Variants in RAB37 observed in about 807,000 individuals in gnomAD.
RAB37 encodes the protein RAB37, member RAS oncogene family, also known as ras-related protein Rab-37.
RAB37 carries 29 observed loss-of-function variants against 33.1 expected under a neutral mutation model. The observed-to-expected ratio is 0.88, with a 90% CI of 0.65 to 1.20. RAB37 has a LOEUF of 1.20. Among genes scored for constraint, RAB37 ranks in the 50% most tolerant of loss-of-function variants. RAB37 has a pLI of 0.00. For missense variants in RAB37, 299 were observed against 301.1 expected (o/e 0.99, Z 0.05); for synonymous variants, 128 against 119.5 (o/e 1.07, Z -0.47).
chr17:74,722,158 C>T lies in RAB37; in HGVS notation c.73-7098C>T, dbSNP rs563173259. 3.9e-5 allele frequency among the ~76,000 whole-genome samples: 6 copies of T among 152,092 alleles called. No homozygotes were observed. In the East Asian group the frequency reaches 1.2e-3, roughly 29 times the overall value. On this transcript the variant is annotated intron_variant, in intron 1 of 7. Coordinates refer to the RAB37 transcript ENST00000340415. ...ATTAGCCGGGCGTGGTGGCGGGCGC[C>T]TGTAGTCCCAGATACTTGGGAGGCT...
At chr17:74,689,526 A>G (rs907754505) in intron 1 of RAB37, among the ~76,000 whole-genome samples, 17 of 152,214 alleles carry the variant, frequency 1.1e-4, no homozygotes, top group African/African-American at 3.9e-4. Flanking sequence ...AACTTTTTCA[A>G]TGAACTGACC....
At position 74,745,157 on chromosome 17, in the gene RAB37, C is replaced by G. The variant is rs2034727094; in HGVS notation, c.566+73C>G. 1.3e-6 allele frequency: 2 copies of G among 1,566,794 alleles called. No individual in the cohort carries two copies. Among genetic ancestry groups the G allele is most frequent in the Admixed American group, 1.7e-5 (1 of 59,128 alleles). On this transcript the variant is annotated intron_variant, in intron 8 of 8. Transcript: ENST00000392613. This position sits in a 1 kb window ranked among gnomAD's most constrained non-coding sequence, Gnocchi z 4.5. ...TCCAGGAATCCAGTAGGGCCCGGCC[C>G]CTGGCCCAGCCCCTGGACACACCTG... is the stretch of plus-strand genomic sequence containing the variant.
chr17:74,743,583 G>A (rs1001129003), intron 5 of RAB37, among the ~76,000 whole-genome samples: 9 of 152,156 alleles, frequency 5.9e-5, no homozygotes, highest in Admixed American at 2.0e-4. Flanking sequence ...TGTGATTCAC[G>A]AGTGTGTTTC....
In RAB37 at chr17:74,743,341, G is replaced by T; in HGVS notation, c.366+1G>T. On this transcript the variant is annotated splice_donor_variant, in intron 5 of 8. Transcript: ENST00000392613. LOFTEE classifies it high-confidence loss of function. ...CAAATCTTCTTTCGACAACATCAGG[G>T]TAGGTCCTCCCTTCCCCTGACTCCC... is the stretch of plus-strand genomic sequence containing the variant. 6.2e-7 allele frequency: 1 copy of T among 1,614,048 alleles called. No individual in the cohort carries two copies. Among genetic ancestry groups the T allele is most frequent in the Non-Finnish European group, 8.5e-7 (1 of 1,179,980 alleles).
chr17:74,708,144 T>A, intron 1 of RAB37, among the ~76,000 whole-genome samples: 2 of 101,878 alleles, frequency 2.0e-5, no homozygotes, highest in African/African-American at 3.6e-5. Flanking sequence ...CAAGACTCCA[T>A]CTCAAAAAAA....
chr17:74,739,242 C>A (rs374122397), intron 1 of RAB37, among the ~76,000 whole-genome samples: 8 of 152,232 alleles, frequency 5.3e-5, no homozygotes, highest in African/African-American at 1.9e-4. Flanking sequence ...TGGATCTAGA[C>A]CCCTGTTATC....
intron 1 of RAB37, among the ~76,000 whole-genome samples, chr17:74,707,076 C>T (rs919865099): frequency 6.6e-6 from 1 of 152,134 alleles, no homozygotes; most frequent in Non-Finnish European, 1.5e-5. Flanking sequence ...TTGGTCTTGG[C>T]GATGATGTCT....
intron 1 of RAB37, chr17:74,698,417 C>A: frequency 6.2e-7 from 1 of 1,614,072 alleles, no homozygotes; most frequent in Non-Finnish European, 8.5e-7. Flanking sequence ...GAGGCGGCCA[C>A]CAAAAGCAGC....
At chr17:74,718,489 T>C (rs2034198169) in intron 1 of RAB37, among the ~76,000 whole-genome samples, 1 of 152,136 alleles carries the variant, frequency 6.6e-6, no homozygotes. Context: ...CTTGACAAAG[T>C]GGAAGAGCTG....
At position 74,737,302 on chromosome 17, in the gene RAB37, C is replaced by G. The variant is rs770784411; in HGVS notation, c.30C>G (p.Thr10=). The G allele has an allele frequency of 1.3e-5, 21 of 1,576,408 alleles. No homozygotes were observed. The highest frequency in any genetic ancestry group is 5.1e-6 in the Non-Finnish European group (6 of 1,168,478). Residue 10 remains threonine (T), a synonymous_variant, in exon 1 of 9, where the codon ACC becomes ACG. Coordinates refer to ENST00000392613, the MANE Select transcript of RAB37 (RefSeq NM_001006638.3). ...CGGGCACGCCAGGCGCCGTTGCCAC[C>G]CGGGATGGCGAGGCCCCCGAGCGCT... MTGTPGAVA[T]RDGEAPERSP...
intron 2 of RAB37, among the ~76,000 whole-genome samples, chr17:74,741,587 G>GA (rs535783718): frequency 0.85 from 107,999 of 127,094 alleles, 47,097 homozygotes; most frequent in East Asian, 0.98. Context: ...CTGCGTCTCA[G>GA]AAAAAAAAAA....
chr17:74,705,331 T>C (rs1342591504), intron 1 of RAB37: 7 of 679,414 alleles, frequency 1.0e-5, no homozygotes, highest in Non-Finnish European at 1.6e-5. Context: ...CCTGGATGAA[T>C]GCCTTTGAAG....
intron 1 of RAB37, among the ~76,000 whole-genome samples, chr17:74,723,575 C>CTTT (rs35936012): frequency 9.8e-5 from 13 of 133,190 alleles, no homozygotes; most frequent in South Asian, 2.4e-4. Flanking sequence ...AATTAACTAA[C>CTTT]TTTTTTTTTT....
intron 1 of RAB37, chr17:74,704,542 G>T (rs553694245): frequency 6.2e-7 from 1 of 1,614,164 alleles, no homozygotes; most frequent in South Asian, 1.1e-5. Flanking sequence ...TTCCACACCA[G>T]TAAGTGTCAG....
chr17:74,684,375 G>C lies in RAB37; in HGVS notation c.72+12717G>C, dbSNP rs1255611199. On this transcript the variant is annotated intron_variant, in intron 1 of 7. Coordinates refer to the RAB37 transcript ENST00000340415. Reference sequence around the variant, plus strand: ...CCCAAAGTGCTGGGATTATAGGCGTGAGCCACCACACCCAGCCAAGAGAGC... The same window carrying C: ...CCCAAAGTGCTGGGATTATAGGCGTCAGCCACCACACCCAGCCAAGAGAGC... Among the ~76,000 whole-genome samples the C allele has an allele frequency of 2.0e-5, 3 of 151,236 alleles. 1 individual carries two copies. Among genetic ancestry groups the C allele is most frequent in the South Asian group, 4.2e-4 (2 of 4,800 alleles).
At chr17:74,684,688 G>C (rs1376311055) in intron 1 of RAB37, among the ~76,000 whole-genome samples, 2 of 152,104 alleles carry the variant, frequency 1.3e-5, no homozygotes, top group African/African-American at 4.8e-5. Context: ...TACTCAGGAG[G>C]CTGAGGCAGG....
rs543533429 is a variant in RAB37 at position 74,738,346 on chromosome 17, C to T, written c.93+981C>T. Reference sequence around the variant, plus strand: ...GGGGGAAGCCACCCTGCAAGTCATCCGCCCAGAGCCGTTGAGATAGGCGTC... The same window carrying T: ...GGGGGAAGCCACCCTGCAAGTCATCTGCCCAGAGCCGTTGAGATAGGCGTC... On this transcript the variant is annotated intron_variant, in intron 1 of 8. Coordinates refer to ENST00000392613, the MANE Select transcript of RAB37 (RefSeq NM_001006638.3). This position sits in a 1 kb window ranked among gnomAD's most constrained non-coding sequence, Gnocchi z 5.0. Among the ~76,000 whole-genome samples, 13 of 152,292 alleles carry T rather than the reference C, an allele frequency of 8.5e-5. No homozygotes were observed. The East Asian group carries it at 9.7e-4, about 11-fold the overall frequency.
intron 2 of RAB37, among the ~76,000 whole-genome samples, chr17:74,741,734 G>T (rs1426556221): frequency 6.6e-6 from 1 of 152,158 alleles, no homozygotes; most frequent in Non-Finnish European, 1.5e-5. Context: ...TAGAGAAAAG[G>T]TCTCACCCTG....
At chr17:74,691,575 C>T (rs1263083108) in intron 1 of RAB37, among the ~76,000 whole-genome samples, 1 of 152,178 alleles carries the variant, frequency 6.6e-6, no homozygotes, top group African/African-American at 2.4e-5. Context: ...TGTCCACCAT[C>T]CAGATGAAGG....
Sources: gnomAD v4.1 joint callset for allele counts (sites outside exome capture counted in the v4.1 genomes callset) on GRCh38, gnomAD v4.1.1 for gene constraint, Gnocchi (gnomAD v3.1) non-coding constraint, MANE v1.5 for transcripts, NCBI Gene and HGNC (gene_info 2026-07-23, HGNC 2026-07-21) for gene names.